The following DPYSL2 variants were observed in gnomAD, a reference collection of about 807,000 sequenced individuals.
DPYSL2 encodes dihydropyrimidinase like 2, also known as dihydropyrimidinase-related protein 2.
Under a neutral mutation model 69.9 loss-of-function variants are expected in DPYSL2, and 13 were observed. The observed-to-expected ratio is 0.19, with a 90% CI of 0.12 to 0.30. DPYSL2 has a LOEUF of 0.30. DPYSL2 is among the 10% of genes least tolerant of loss of function. The pLI, the probability that DPYSL2 is intolerant of heterozygous loss-of-function variation, is 1.00. For missense variants in DPYSL2, 587 were observed against 918.9 expected (o/e 0.64, Z 4.67); for synonymous variants, 326 against 359.1 (o/e 0.91, Z 1.04).
chr8:26,530,294 C>T (rs1023950272), intron 1 of DPYSL2, among the ~76,000 whole-genome samples: 2 of 152,190 alleles, frequency 1.3e-5, no homozygotes, highest in Non-Finnish European at 2.9e-5. Context: ...TGAGATCACC[C>T]TGTGACGCTG....
chr8:26,653,739 G>A lies in DPYSL2; in HGVS notation c.1942+342G>A, dbSNP rs1321906000. On this transcript the variant is annotated intron_variant, in intron 13 of 13. Transcript: ENST00000521913. This position sits in a 1 kb window ranked among gnomAD's most constrained non-coding sequence, Gnocchi z 5.7. ...TACCTGGCTAATTTTTGTATTTTTA[G>A]TAGAGACGGAGTATCACCATGTTGG... 1.3e-5 allele frequency among the ~76,000 whole-genome samples: 2 copies of A among 152,032 alleles called. No homozygotes were observed. The highest frequency in any genetic ancestry group is 4.8e-5 in the African/African-American group (2 of 41,382).
chr8:26,570,061 G>A (rs1247849715), intron 1 of DPYSL2, among the ~76,000 whole-genome samples: 1 of 152,112 alleles, frequency 6.6e-6, no homozygotes, highest in Non-Finnish European at 1.5e-5. Context: ...TAAAAAAGAA[G>A]GGCAAGATCA....
chr8:26,553,785 T>C (rs1235805856), intron 1 of DPYSL2, among the ~76,000 whole-genome samples: 1 of 152,128 alleles, frequency 6.6e-6, no homozygotes, highest in Non-Finnish European at 1.5e-5. Context: ...TTTTAGTTCT[T>C]TGAGGAATGA....
chr8:26,628,207 A>G (rs56842497), intron 7 of DPYSL2, among the ~76,000 whole-genome samples: 3,236 of 152,322 alleles, frequency 0.021, 104 homozygotes, highest in African/African-American at 0.072. Flanking sequence ...GCTTGTATAG[A>G]CACAAACAGT....
rs1210865080 is a variant in DPYSL2 at position 26,655,720 on chromosome 8, TGCCGTCCACTG to T, written c.*16_*26del. 6.3e-6 allele frequency: 10 copies of T among 1,588,840 alleles called. No individual in the cohort carries two copies. The highest frequency in any genetic ancestry group is 8.6e-6 in the Non-Finnish European group (10 of 1,168,750). ...AGCCTGGGCTAGAGCTCCTGGGCTG[TGCCGTCCACTG>T]GGGACTGGGGATGGGACACCTGAGG... On this transcript the variant is annotated 3_prime_UTR_variant, in exon 14 of 14. Transcript: ENST00000521913.
intron 1 of DPYSL2, among the ~76,000 whole-genome samples, chr8:26,573,836 C>CAA (rs145546482): frequency 0.016 from 1,283 of 82,346 alleles, 23 homozygotes; most frequent in East Asian, 0.061. Flanking sequence ...GACTCCACCT[C>CAA]AAAAAAAAAA....
chr8:26,632,161 A>T lies in DPYSL2; in HGVS notation c.1006-2619A>T, dbSNP rs569120093. 3.9e-5 allele frequency among the ~76,000 whole-genome samples: 6 copies of T among 152,254 alleles called. No individual in the cohort carries two copies. In the East Asian group the frequency reaches 9.7e-4, roughly 25 times the overall value. ...TTTTCCCTCGTTTTCCACCCAGAGG[A>T]TTGGAAAGGACACTAGGGAGTGCAG... On this transcript the variant is annotated intron_variant, in intron 7 of 13. Transcript: ENST00000521913.
chr8:26,592,490 A>G (rs922326098), intron 3 of DPYSL2, among the ~76,000 whole-genome samples: 9 of 73,346 alleles, frequency 1.2e-4, no homozygotes, highest in Non-Finnish European at 2.7e-4. Flanking sequence ...TTTTTTTTTT[A>G]TTAAGACGGA....
rs954765458 is a variant in DPYSL2 at position 26,605,045 on chromosome 8, G to T, written c.629-19098G>T. ...AGAGTATCTTTTATGTTTCTCAAAG[G>T]CGTTATGTTCTGCATTGTAAATGTG... On this transcript the variant is annotated intron_variant, in intron 3 of 13. Coordinates refer to ENST00000521913, the MANE Select transcript of DPYSL2 (RefSeq NM_001197293.3). The surrounding 1 kb of genome is among the most constrained non-coding windows in gnomAD (Gnocchi z 4.1). Among the ~76,000 whole-genome samples the T allele has an allele frequency of 2.0e-5, 3 of 152,128 alleles. No individual in the cohort carries two copies. In the South Asian group the frequency reaches 6.2e-4, roughly 32 times the overall value.
chr8:26,596,294 C>T (rs944024814), intron 3 of DPYSL2, among the ~76,000 whole-genome samples: 7 of 152,162 alleles, frequency 4.6e-5, no homozygotes, highest in Non-Finnish European at 8.8e-5. Context: ...GTAGGATGAA[C>T]GTTTAGGTTC....
rs940341362 is a variant in DPYSL2 at position 26,597,487 on chromosome 8, T to C, written c.628+13504T>C. Among the ~76,000 whole-genome samples, 51 of 152,066 alleles carry C rather than the reference T, an allele frequency of 3.4e-4. 1 individual carries two copies. The highest frequency in any genetic ancestry group is 9.2e-4 in the African/African-American group (38 of 41,350). Reference sequence around the variant, plus strand: ...TGGCATTTTTCTTTTCTTTTCTTTTTTTTTGGATACAGAGTCTCCCTCCGT... The same window carrying C: ...TGGCATTTTTCTTTTCTTTTCTTTTCTTTTGGATACAGAGTCTCCCTCCGT... On this transcript the variant is annotated intron_variant, in intron 3 of 13. Coordinates refer to ENST00000521913, the MANE Select transcript of DPYSL2 (RefSeq NM_001197293.3). This position sits in a 1 kb window ranked among gnomAD's most constrained non-coding sequence, Gnocchi z 5.2.
chr8:26,523,144 G>A (rs894550895), intron 1 of DPYSL2, among the ~76,000 whole-genome samples: 5 of 151,068 alleles, frequency 3.3e-5, no homozygotes, highest in African/African-American at 1.2e-4. Context: ...TATGTATACA[G>A]ACATACATGT....
Position 26,624,315 on chromosome 8 carries a change from G to T in DPYSL2, c.793+8G>T. 1 of 1,613,698 alleles carries T rather than the reference G, an allele frequency of 6.2e-7. No individual in the cohort carries two copies. The highest frequency in any genetic ancestry group is 8.5e-7 in the Non-Finnish European group (1 of 1,179,742). On this transcript the variant is annotated splice_region_variant and intron_variant, in intron 4 of 13. Coordinates refer to ENST00000521913, the MANE Select transcript of DPYSL2 (RefSeq NM_001197293.3). This position sits in a 1 kb window ranked among gnomAD's most constrained non-coding sequence, Gnocchi z 4.7. ...CGCTTGTGAAGGATCACGGTAGGTTGCACTGAGTCAATGCCCTCTGCAGAT... is the reference window on the plus strand; with the variant it reads ...CGCTTGTGAAGGATCACGGTAGGTTTCACTGAGTCAATGCCCTCTGCAGAT...
chr8:26,544,520 C>T (rs184646654), intron 1 of DPYSL2, among the ~76,000 whole-genome samples: 1 of 152,152 alleles, frequency 6.6e-6, no homozygotes, highest in Admixed American at 6.5e-5. Context: ...GACTTAAGTT[C>T]GTCTACTATA....
At chr8:26,544,639 G>A (rs1049291449) in intron 1 of DPYSL2, among the ~76,000 whole-genome samples, 3 of 152,068 alleles carry the variant, frequency 2.0e-5, no homozygotes, top group South Asian at 2.1e-4. Flanking sequence ...CCTCTCCACC[G>A]CCAATCTGAT....
At chr8:26,521,438 A>T (rs1585486110) in intron 1 of DPYSL2, among the ~76,000 whole-genome samples, 1 of 151,122 alleles carries the variant, frequency 6.6e-6, no homozygotes, top group Admixed American at 6.6e-5. Context: ...ATTTCCACTG[A>T]AGGCTCTGAA....
At position 26,514,673 on chromosome 8, in the gene DPYSL2, C is replaced by A. The variant is rs1808244462; in HGVS notation, c.348C>A (p.Asn116Lys). The change falls in exon 1 of 14, where the codon AAC becomes AAA. Residue 116 changes from asparagine to lysine, a missense_variant. Physicochemically the swap from Asn to Lys is moderately conservative, Grantham distance 94. This residue lies in a region of DPYSL2 where 85 missense variants were observed against 77.7 expected (regional missense o/e 1.09). Transcript: ENST00000521913. This position sits in a 1 kb window ranked among gnomAD's most constrained non-coding sequence, Gnocchi z 8.4. ...GCAAAGAAGCCCTGCAGAACATCAA[C>A]GACCAGGTCGGTGTGGGGGTTGGGG... ...ASGKEALQNI[N>K]DQSDRLLIKG... 2 of 1,404,958 alleles carry A rather than the reference C, an allele frequency of 1.4e-6. No homozygotes were observed. The highest frequency in any genetic ancestry group is 2.0e-4 in the Middle Eastern group (1 of 5,110). The allele number at this position is 1,404,958 out of a possible 1,614,324, so 87.0% of individuals were successfully genotyped here. A position where few individuals can be genotyped will look rare whatever the true frequency, so the allele number is the denominator to read the frequency against.
Position 26,626,610 on chromosome 8 carries a change from G to A in DPYSL2, c.794-7G>A, listed in dbSNP as rs764654236. On this transcript the variant is annotated splice_region_variant and splice_polypyrimidine_tract_variant and intron_variant, in intron 4 of 13. Coordinates refer to ENST00000521913, the MANE Select transcript of DPYSL2 (RefSeq NM_001197293.3). This position sits in a 1 kb window ranked among gnomAD's most constrained non-coding sequence, Gnocchi z 4.3. ...AAAAGTCCACTTCTCTATTTTGTCC[G>A]CACTAGGGGTAAATTCCTTCCTCGT... The A allele has an allele frequency of 2.3e-5, 37 of 1,613,534 alleles. No homozygotes were observed. Among genetic ancestry groups the A allele is most frequent in the Middle Eastern group, 3.3e-4 (2 of 6,084 alleles).
At chr8:26,608,865 C>G (rs138462454) in intron 3 of DPYSL2, among the ~76,000 whole-genome samples, 2 of 152,328 alleles carry the variant, frequency 1.3e-5, no homozygotes, top group African/African-American at 4.8e-5. Flanking sequence ...TCTCAGTCAA[C>G]AGATGACATC....
Sources: gnomAD v4.1 joint callset for allele counts (sites outside exome capture counted in the v4.1 genomes callset) on GRCh38, gnomAD v4.1.1 for gene constraint, gnomAD v4.1.1 regional missense constraint, Gnocchi (gnomAD v3.1) non-coding constraint, MANE v1.5 for transcripts, NCBI Gene and HGNC (gene_info 2026-07-23, HGNC 2026-07-21) for gene names.